CTNNA3: variants seen among roughly 807,000 people sequenced by gnomAD.
CTNNA3 encodes the protein catenin alpha-3.
A neutral mutation model predicts 95.7 loss-of-function variants in CTNNA3; 76 were observed. The observed-to-expected ratio is 0.79, with a 90% CI of 0.66 to 0.96. The LOEUF (loss-of-function observed/expected upper bound fraction) is 0.96. Ranked by LOEUF, CTNNA3 falls within the 40% of genes least tolerant of loss-of-function variation. The pLI, the probability that CTNNA3 is intolerant of heterozygous loss-of-function variation, is 0.00. For missense variants in CTNNA3, 1,191 were observed against 1,089.8 expected, an observed-to-expected ratio of 1.09 and a Z score of -1.31; for synonymous variants, 431 against 374.4, an observed-to-expected ratio of 1.15 and a Z score of -1.74.
At chr10:67,388,072 C>T (rs373582187) in intron 5 of CTNNA3, among the ~76,000 whole-genome samples, 3 of 150,444 alleles carry the variant, frequency 2.0e-5, no homozygotes, top group African/African-American at 7.4e-5. Context: ...ATGACTTTGA[C>T]GAGCTGAGAG....
At chr10:67,555,154 T>C (rs567706984) in intron 3 of CTNNA3, among the ~76,000 whole-genome samples, 1 of 152,312 alleles carries the variant, frequency 6.6e-6, no homozygotes, top group South Asian at 2.1e-4. Flanking sequence ...TTTGGTTATG[T>C]AGTCTTGTAG....
intron 14 of CTNNA3, among the ~76,000 whole-genome samples, chr10:66,072,634 G>A (rs749798562): frequency 3.3e-5 from 5 of 151,772 alleles, no homozygotes; most frequent in African/African-American, 7.3e-5. Flanking sequence ...TAGTAGAGAC[G>A]GGGTTTCACC....
At chr10:66,733,936 T>A (rs1365107658) in intron 9 of CTNNA3, among the ~76,000 whole-genome samples, 2 of 151,794 alleles carry the variant, frequency 1.3e-5, no homozygotes, top group African/African-American at 4.8e-5. Flanking sequence ...AACTTTATAT[T>A]GGCCACATTT....
At chr10:67,476,008 G>GGAT (rs1847995493) in intron 5 of CTNNA3, among the ~76,000 whole-genome samples, 3 of 152,212 alleles carry the variant, frequency 2.0e-5, no homozygotes, top group Admixed American at 2.0e-4. Flanking sequence ...GCCGGGGCCA[G>GGAT]GATGATAGCC....
chr10:67,750,674 T>C (rs879078840), intron 1 of CTNNA3: 3 of 1,547,726 alleles, frequency 1.9e-6, no homozygotes, highest in Non-Finnish European at 2.7e-6. Flanking sequence ...AAAGGTAATA[T>C]GATCGGTGGA....
At chr10:66,370,911 C>G (rs914493792) in intron 12 of CTNNA3, among the ~76,000 whole-genome samples, 4 of 152,022 alleles carry the variant, frequency 2.6e-5, no homozygotes, top group Non-Finnish European at 2.9e-5. Flanking sequence ...TTTTGTAGAG[C>G]TGGGTCTCAC....
At chr10:67,711,016 T>C (rs1841104226) in intron 1 of CTNNA3, among the ~76,000 whole-genome samples, 1 of 152,218 alleles carries the variant, frequency 6.6e-6, no homozygotes, top group Admixed American at 6.5e-5. Context: ...TAATGAGATC[T>C]GATGGTTTTA....
chr10:67,732,880 ACT>A (rs1841283247), intron 1 of CTNNA3, among the ~76,000 whole-genome samples: 9 of 125,528 alleles, frequency 7.2e-5, no homozygotes, highest in African/African-American at 3.8e-4. Flanking sequence ...TCTTTCTCTC[ACT>A]CACGCACACA....
intron 3 of CTNNA3, among the ~76,000 whole-genome samples, chr10:67,555,593 T>C (rs1209726461): frequency 3.3e-5 from 5 of 152,200 alleles, no homozygotes; most frequent in African/African-American, 4.8e-5. Context: ...GTGATTTTTG[T>C]ACATTGATTT....
At chr10:66,182,436 T>C (rs2086097461) in intron 13 of CTNNA3, among the ~76,000 whole-genome samples, 1 of 152,066 alleles carries the variant, frequency 6.6e-6, no homozygotes, top group Non-Finnish European at 1.5e-5. Context: ...TTAATATTTT[T>C]AGTAGAGACG....
intron 5 of CTNNA3, among the ~76,000 whole-genome samples, chr10:67,232,653 C>A (rs1354415681): frequency 6.6e-6 from 1 of 151,336 alleles, no homozygotes; most frequent in East Asian, 1.9e-4. Context: ...CAAATTCACA[C>A]ATAACAATAT....
chr10:67,659,005 CA>C (rs1423170796), intron 1 of CTNNA3, among the ~76,000 whole-genome samples: 1 of 151,656 alleles, frequency 6.6e-6, no homozygotes, highest in African/African-American at 2.4e-5. Context: ...TGAAAAGATT[CA>C]AACAAAATTA....
intron 13 of CTNNA3, among the ~76,000 whole-genome samples, chr10:66,210,661 A>T (rs1224229743): frequency 5.3e-5 from 8 of 152,226 alleles, no homozygotes; most frequent in Non-Finnish European, 1.5e-5. Context: ...AAATTGCATT[A>T]AATAAAATAG....
chr10:67,419,999 C>T (rs1845691743), intron 5 of CTNNA3, among the ~76,000 whole-genome samples: 2 of 152,060 alleles, frequency 1.3e-5, no homozygotes, highest in Non-Finnish European at 2.9e-5. Context: ...CTATAGGTGC[C>T]CACCACCATG....
chr10:66,420,443 T>C (rs112085472), intron 11 of CTNNA3, among the ~76,000 whole-genome samples: 1 of 152,056 alleles, frequency 6.6e-6, no homozygotes, highest in Non-Finnish European at 1.5e-5. Flanking sequence ...CTGACAAGGA[T>C]GTGGAGAAAA....
chr10:66,811,555 T>G (rs1164036515), intron 7 of CTNNA3, among the ~76,000 whole-genome samples: 10 of 152,158 alleles, frequency 6.6e-5, no homozygotes, highest in Non-Finnish European at 1.5e-5. Context: ...AGTTCTTAGC[T>G]GTATAGAATT....
chr10:67,639,239 T>A (rs552865998), intron 2 of CTNNA3, among the ~76,000 whole-genome samples: 8,967 of 151,998 alleles, frequency 0.059, 290 homozygotes, highest in South Asian at 0.1. Context: ...TGTATGCAAA[T>A]AAACTAGAAA....
intron 6 of CTNNA3, among the ~76,000 whole-genome samples, chr10:67,183,592 T>G (rs1047512975): frequency 1.3e-5 from 2 of 151,950 alleles, no homozygotes; most frequent in African/African-American, 2.4e-5. Flanking sequence ...TAATGTTAAA[T>G]GACGAGTTAA....
chr10:67,181,688 T>C (rs904774633), intron 6 of CTNNA3, among the ~76,000 whole-genome samples: 5 of 152,026 alleles, frequency 3.3e-5, no homozygotes, highest in Non-Finnish European at 5.9e-5. Flanking sequence ...TGTTTATATA[T>C]AAAATCTTAT....
Sources: gnomAD v4.1 joint callset for allele counts (sites outside exome capture counted in the v4.1 genomes callset) on GRCh38, gnomAD v4.1.1 for gene constraint, MANE v1.5 for transcripts, NCBI Gene and HGNC (gene_info 2026-07-23, HGNC 2026-07-21) for gene names.